The following KRTAP4-9 variants were observed in gnomAD, a reference collection of about 807,000 sequenced individuals.
The protein encoded by KRTAP4-9 is keratin-associated protein 4-9.
In KRTAP4-9, 4 loss-of-function variants were observed where a neutral mutation model predicts 4.3. That is an observed-to-expected ratio of 0.94 (90% CI 0.46 to 2.15). The LOEUF (loss-of-function observed/expected upper bound fraction) is 2.15, where lower values mean the gene tolerates loss of function less well. Ranked by LOEUF, KRTAP4-9 falls within the 30% of genes most tolerant of loss-of-function variation. The pLI, the probability that KRTAP4-9 is intolerant of heterozygous loss-of-function variation, is 0.02. For missense variants in KRTAP4-9, 297 were observed against 278.5 expected (o/e 1.07, Z -0.47); for synonymous variants, 111 against 99.2 (o/e 1.12, Z -0.70).
rs2014090988 is a variant in KRTAP4-9 at position 41,106,277 on chromosome 17, T to A, written c.*256T>A. ...TAATTTGTAATCCACTAGCTAGAAA[T>A]TATTCCAATCCTCTAATTTCCTCAT... On this transcript the variant is annotated 3_prime_UTR_variant, in exon 1 of 1. Transcript: ENST00000391415. 5 of 651,596 alleles carry A rather than the reference T, an allele frequency of 7.7e-6. No individual in the cohort carries two copies. In the South Asian group the frequency reaches 1.2e-4, roughly 16 times the overall value. 40.4% of individuals were successfully genotyped at this position (651,596 alleles called of 1,614,324 possible).
At chr17:41,106,130 A>G (rs1355424671) in exon 1 of KRTAP4-9, 2 of 1,448,728 alleles carry the variant, frequency 1.4e-6, no homozygotes, top group Non-Finnish European at 1.8e-6. Flanking sequence ...CATTCAATAG[A>G]ATGGAACTCA....
exon 1 of KRTAP4-9, chr17:41,105,755 A>T (rs768164946): frequency 1.5e-5 from 24 of 1,601,144 alleles, no homozygotes; most frequent in Non-Finnish European, 2.0e-5. Flanking sequence ...CTGCATCTCC[A>T]GCTGCTGTCG....
exon 1 of KRTAP4-9, chr17:41,105,810 A>C (rs2014077364): frequency 1.2e-6 from 2 of 1,611,540 alleles, no homozygotes; most frequent in Non-Finnish European, 1.7e-6. Context: ...CAGTGCTGCC[A>C]GTCTGTGTGC....
chr17:41,105,794 A>T lies in KRTAP4-9; in HGVS notation c.406A>T (p.Lys136Ter). ...CAGCTGCTGTGTGTCCAGCTGCTGCAAGCCCCAGTGCTGCCAGTCTGTGTG... is the reference window on the plus strand; with the variant it reads ...CAGCTGCTGTGTGTCCAGCTGCTGCTAGCCCCAGTGCTGCCAGTCTGTGTG... The change falls in exon 1 of 1, where the codon AAG (lysine) becomes TAG (stop). Residue 136 changes from lysine (K) to a stop codon, truncating the protein, a stop_gained. Transcript: ENST00000391415. LOFTEE classifies it high-confidence loss of function. 1 of 1,602,504 alleles carries T rather than the reference A, an allele frequency of 6.2e-7. No homozygotes were observed. The highest frequency in any genetic ancestry group is 8.5e-7 in the Non-Finnish European group (1 of 1,174,444).
chr17:41,105,491 T>C, exon 1 of KRTAP4-9: 1 of 1,567,320 alleles, frequency 6.4e-7, no homozygotes, highest in Non-Finnish European at 8.6e-7. Flanking sequence ...GACCACCTGC[T>C]GCAGGACCAC....
chr17:41,106,177 T>C (rs1301264858), exon 1 of KRTAP4-9: 2 of 1,292,510 alleles, frequency 1.5e-6, no homozygotes, highest in African/African-American at 3.0e-5. Context: ...CACTGACTCT[T>C]TGAGAACATT....
chr17:41,106,458 T>C (rs1452944889), exon 1 of KRTAP4-9: 1 of 200,852 alleles, frequency 5.0e-6, no homozygotes, highest in Non-Finnish European at 1.1e-5. Context: ...GTTGCATCTC[T>C]GCTTTTTAAT....
Position 41,105,503 on chromosome 17 carries a change from TGCTGCCGCCCC to T in KRTAP4-9, c.116_126del (p.Cys39Ter). 2 of 1,566,678 alleles carry T rather than the reference TGCTGCCGCCCC, an allele frequency of 1.3e-6. No homozygotes were observed. The highest frequency in any genetic ancestry group is 8.6e-7 in the Non-Finnish European group (1 of 1,165,216). Reference sequence around the variant, plus strand: ...TGAGACCACCTGCTGCAGGACCACCTGCTGCCGCCCCAGCTGTTGTGTATCCAGCTGCTGCA... The same window carrying T: ...TGAGACCACCTGCTGCAGGACCACCTAGCTGTTGTGTATCCAGCTGCTGCA... On this transcript the variant is annotated frameshift_variant, in exon 1 of 1. Transcript: ENST00000391415. LOFTEE classifies it low-confidence loss of function (END_TRUNC).
exon 1 of KRTAP4-9, chr17:41,106,058 G>C: frequency 6.5e-7 from 1 of 1,540,914 alleles, no homozygotes; most frequent in Non-Finnish European, 8.8e-7. Flanking sequence ...TTCACCACTG[G>C]CCCACAGATG....
At chr17:41,106,022 G>T in exon 1 of KRTAP4-9, 1 of 1,575,534 alleles carries the variant, frequency 6.3e-7, no homozygotes, top group Non-Finnish European at 8.6e-7. Context: ...TTGCTGCTGA[G>T]CCCACTGCCC....
exon 1 of KRTAP4-9, chr17:41,106,227 T>G (rs2014090105): frequency 2.1e-6 from 2 of 936,610 alleles, no homozygotes; most frequent in Admixed American, 3.2e-5. Context: ...TTCTTTTTCT[T>G]CCGGTGGTGG....
exon 1 of KRTAP4-9, chr17:41,106,057 G>A: frequency 6.5e-7 from 1 of 1,543,254 alleles, no homozygotes; most frequent in Non-Finnish European, 8.7e-7. Flanking sequence ...CTTCACCACT[G>A]GCCCACAGAT....
At chr17:41,105,978 C>G in exon 1 of KRTAP4-9, 1 of 1,596,148 alleles carries the variant, frequency 6.3e-7, no homozygotes, top group Non-Finnish European at 8.5e-7. Flanking sequence ...TGTGTCATCT[C>G]CAGCTGCCCC....
exon 1 of KRTAP4-9, chr17:41,105,850 C>T (rs913801189): frequency 6.2e-7 from 1 of 1,609,284 alleles, no homozygotes; most frequent in African/African-American, 1.3e-5. Flanking sequence ...GCCCCAGCTG[C>T]AGCATCTCCA....
exon 1 of KRTAP4-9, chr17:41,106,193 T>C (rs2014089438): frequency 8.2e-7 from 1 of 1,226,958 alleles, no homozygotes. Context: ...ACATTCTGAT[T>C]CATTTTAAAC....
chr17:41,105,425 C>G (rs1406790606), exon 1 of KRTAP4-9: 1 of 1,612,212 alleles, frequency 6.2e-7, no homozygotes. Flanking sequence ...GTGCTCTGAC[C>G]AGGGCTGCGG....
chr17:41,105,500 A>G lies in KRTAP4-9; in HGVS notation c.112A>G (p.Thr38Ala), dbSNP rs746141767. ...CTGTGAGACCACCTGCTGCAGGACC[A>G]CCTGCTGCCGCCCCAGCTGTTGTGT... Residue 38 changes from threonine to alanine, a missense_variant, in exon 1 of 1, where the codon ACC becomes GCC. Transcript: ENST00000391415. 31 of 1,566,304 alleles carry G rather than the reference A, an allele frequency of 2.0e-5. No homozygotes were observed. The highest frequency in any genetic ancestry group is 2.3e-5 in the Non-Finnish European group (27 of 1,165,196).
chr17:41,105,882 G>A (rs1382367042), exon 1 of KRTAP4-9: 5 of 1,531,772 alleles, frequency 3.3e-6, no homozygotes, highest in Non-Finnish European at 4.3e-6. Context: ...CCCTCTTGCT[G>A]TGAATCCAGC....
rs774288598 is a variant in KRTAP4-9 at position 41,105,660 on chromosome 17, G to A, written c.272G>A (p.Arg91Lys). The change falls in exon 1 of 1, where the codon AGG becomes AAG. Residue 91 changes from arginine to lysine, a missense_variant. By Grantham distance (26) the Arg-to-Lys change is conservative (BLOSUM62 2). Transcript: ENST00000391415. ...AGCTGTTGTGTGTCCAGCTGCTGCA[G>A]GCCCCAGTGCTGCCAGCCTGCGTGC... The A allele has an allele frequency of 2.0e-5, 31 of 1,573,802 alleles. No homozygotes were observed. Among genetic ancestry groups the A allele is most frequent in the Non-Finnish European group, 2.4e-5 (28 of 1,161,354 alleles).
Sources: allele counts gnomAD v4.1 joint callset, GRCh38; gene constraint gnomAD v4.1.1; transcripts MANE v1.5; gene names NCBI Gene and HGNC (gene_info 2026-07-23, HGNC 2026-07-21).